DLG2: variants seen among roughly 807,000 people sequenced by gnomAD.
DLG2 encodes the protein disks large homolog 2.
Under a neutral mutation model 132.5 loss-of-function variants are expected in DLG2, and 45 were observed. The ratio of observed to expected loss-of-function variants is 0.34; its 90% CI spans 0.27 to 0.44. The LOEUF is 0.44. Among genes scored for constraint, DLG2 ranks in the 20% least tolerant of loss-of-function variants. DLG2 has a pLI of 1.00. For missense variants in DLG2, 1,045 were observed against 1,196.9 expected (o/e 0.87, Z 1.87); for synonymous variants, 424 against 419.6 (o/e 1.01, Z -0.13).
chr11:84,821,627 T>TAAAAAAAA (rs770947930), intron 6 of DLG2, among the ~76,000 whole-genome samples: 2 of 70,942 alleles, frequency 2.8e-5, no homozygotes, highest in Non-Finnish European at 6.3e-5. Context: ...TCATACAATG[T>TAAAAAAAA]AAAAAAAAAA....
At chr11:84,856,878 GA>G (rs11303003) in intron 6 of DLG2, among the ~76,000 whole-genome samples, 14,227 of 151,962 alleles carry the variant, frequency 0.094, 771 homozygotes, top group Non-Finnish European at 0.11. Context: ...AAATAAATCT[GA>G]GGAGGCTGAA....
At chr11:84,670,952 G>GA (rs963800998) in intron 6 of DLG2, among the ~76,000 whole-genome samples, 1 of 151,776 alleles carries the variant, frequency 6.6e-6, no homozygotes, top group African/African-American at 2.4e-5. Flanking sequence ...ATTACCATAA[G>GA]AAAAAAAATT....
intron 7 of DLG2, among the ~76,000 whole-genome samples, chr11:84,392,715 T>A (rs192361600): frequency 1.1e-4 from 17 of 152,284 alleles, no homozygotes; most frequent in Non-Finnish European, 2.5e-4. Context: ...TAGAGACAGG[T>A]AAAATATCTT....
chr11:85,052,465 A>T (rs965415066), intron 6 of DLG2, among the ~76,000 whole-genome samples: 1 of 152,220 alleles, frequency 6.6e-6, no homozygotes, highest in Non-Finnish European at 1.5e-5. Flanking sequence ...TTTGCATTAT[A>T]TACCTTGAAA....
chr11:83,761,766 T>C (rs943864926), intron 18 of DLG2, among the ~76,000 whole-genome samples: 3 of 152,200 alleles, frequency 2.0e-5, no homozygotes, highest in Admixed American at 6.5e-5. Context: ...ATGGGAAACA[T>C]GGAGGCCGGG....
At position 84,409,281 on chromosome 11, in the gene DLG2, G is replaced by A. The variant is rs889504696; in HGVS notation, c.519+125289C>T. Among the ~76,000 whole-genome samples the A allele has an allele frequency of 2.0e-5, 3 of 152,088 alleles. No individual in the cohort carries two copies. The East Asian group carries it at 5.8e-4, about 29-fold the overall frequency. ...ATCACATGCACTTCAGGACTTAGAAGGGCCCTTTATACCAGAGGTTCTCTC... is the reference window on the plus strand; with the variant it reads ...ATCACATGCACTTCAGGACTTAGAAAGGCCCTTTATACCAGAGGTTCTCTC... On this transcript the variant is annotated intron_variant, in intron 7 of 27. Transcript: ENST00000376104.
chr11:83,904,236 C>T (rs1422719004), intron 15 of DLG2, among the ~76,000 whole-genome samples: 1 of 151,994 alleles, frequency 6.6e-6, no homozygotes, highest in African/African-American at 2.4e-5. Flanking sequence ...CACAAAATGG[C>T]ACATAATTTA....
intron 11 of DLG2, among the ~76,000 whole-genome samples, chr11:84,038,077 G>T (rs975298277): frequency 6.6e-6 from 1 of 151,892 alleles, no homozygotes; most frequent in Non-Finnish European, 1.5e-5. Context: ...CAGGTATTAA[G>T]CATAGTGCCC....
chr11:84,994,649 A>T (rs1248730493), intron 6 of DLG2, among the ~76,000 whole-genome samples: 1 of 152,144 alleles, frequency 6.6e-6, no homozygotes, highest in Non-Finnish European at 1.5e-5. Context: ...AGATTATCAC[A>T]GTGTTGTGTT....
At chr11:84,780,299 CAAAG>C (rs1316467737) in intron 6 of DLG2, among the ~76,000 whole-genome samples, 1 of 151,214 alleles carries the variant, frequency 6.6e-6, no homozygotes, top group Non-Finnish European at 1.5e-5. Flanking sequence ...TCTCAATAGA[CAAAG>C]AAAAAGCATT....
At chr11:85,315,746 A>G (rs1270753932) in intron 3 of DLG2, among the ~76,000 whole-genome samples, 3 of 151,928 alleles carry the variant, frequency 2.0e-5, no homozygotes, top group Admixed American at 2.0e-4. Flanking sequence ...TGGGGTGCTA[A>G]TTCTCTAACG....
chr11:84,132,830 C>T (rs183899371), intron 9 of DLG2, among the ~76,000 whole-genome samples: 1 of 152,058 alleles, frequency 6.6e-6, no homozygotes, highest in African/African-American at 2.4e-5. Flanking sequence ...TGAAGGATCA[C>T]TAAAAATGAA....
In DLG2 at chr11:84,121,601, GC is replaced by G. The variant is rs1334389059; in HGVS notation, c.625-22555del. 2.0e-4 allele frequency among the ~76,000 whole-genome samples: 24 copies of G among 118,802 alleles called. 2 individuals carry two copies. The highest frequency in any genetic ancestry group is 6.9e-4 in the African/African-American group (21 of 30,488). 77.9% of individuals were successfully genotyped at this position (118,802 alleles called of 152,430 possible). A position where few individuals can be genotyped will look rare whatever the true frequency, so the allele number is the denominator to read the frequency against. On this transcript the variant is annotated intron_variant, in intron 9 of 27. Transcript: ENST00000376104. ...TTTTGAGACGGAGTCTCGCTCTGTGGCCCAGGCTGGAGTGCAGTGGCACGAT... is the reference window on the plus strand; with the variant it reads ...TTTTGAGACGGAGTCTCGCTCTGTGGCCAGGCTGGAGTGCAGTGGCACGAT...
intron 6 of DLG2, among the ~76,000 whole-genome samples, chr11:84,650,866 T>TATATA (rs1435101628): frequency 3.5e-5 from 3 of 86,892 alleles, no homozygotes; most frequent in African/African-American, 5.7e-5. Flanking sequence ...TGTGTGTGTG[T>TATATA]GTGTGTGTAT....
intron 4 of DLG2, among the ~76,000 whole-genome samples, chr11:85,171,921 A>G (rs2078904473): frequency 6.6e-6 from 1 of 152,144 alleles, no homozygotes; most frequent in Non-Finnish European, 1.5e-5. Flanking sequence ...AATTACAGCA[A>G]CTTCAGCCAA....
Position 83,608,747 on chromosome 11 carries a change from GAGAA to G in DLG2, c.1940+24460_1940+24463del, listed in dbSNP as rs1478500719. Among the ~76,000 whole-genome samples, 17 of 151,114 alleles carry G rather than the reference GAGAA, an allele frequency of 1.1e-4. No homozygotes were observed. The Middle Eastern group carries it at 0.02, about 181-fold the overall frequency. ...ACGCACACACACAGAGAGAGAGAGA[GAGAA>G]AGAGAGAGAGAGATCCTTCAGATAC... On this transcript the variant is annotated intron_variant, in intron 19 of 27. Transcript: ENST00000376104.
intron 6 of DLG2, among the ~76,000 whole-genome samples, chr11:84,556,630 G>A (rs1424316602): frequency 2.0e-5 from 3 of 152,198 alleles, no homozygotes; most frequent in Admixed American, 2.0e-4. Context: ...TGACCCACAG[G>A]CCGCAGGTTG....
At chr11:84,567,366 GGAA>G (rs1383957361) in intron 6 of DLG2, among the ~76,000 whole-genome samples, 4 of 152,202 alleles carry the variant, frequency 2.6e-5, no homozygotes, top group Admixed American at 6.5e-5. Flanking sequence ...TTGTGTCTAG[GGAA>G]GAAGAAGTTA....
intron 6 of DLG2, among the ~76,000 whole-genome samples, chr11:84,888,907 G>A (rs551528330): frequency 1.1e-3 from 172 of 152,228 alleles, no homozygotes; most frequent in Non-Finnish European, 1.9e-3. Flanking sequence ...CTGGCAAAGC[G>A]TCTTCACCAC....
Sources: gnomAD v4.1 joint callset for allele counts (sites outside exome capture counted in the v4.1 genomes callset) on GRCh38, gnomAD v4.1.1 for gene constraint, MANE v1.5 for transcripts, NCBI Gene and HGNC (gene_info 2026-07-23, HGNC 2026-07-21) for gene names.